The following MEGF9 variants were observed in gnomAD, a reference collection of about 807,000 sequenced individuals.
The protein encoded by MEGF9 is multiple EGF like domains 9, also known as multiple epidermal growth factor-like domains protein 9.
Under a neutral mutation model 46.8 loss-of-function variants are expected in MEGF9, and 6 were observed. The ratio of observed to expected loss-of-function variants is 0.13; its 90% CI spans 0.07 to 0.25. MEGF9 has a LOEUF of 0.25. Among genes scored for constraint, MEGF9 ranks in the 10% least tolerant of loss-of-function variants. The probability of loss-of-function intolerance (pLI) is 1.00; values close to 1 mark genes in which losing one functional copy is unlikely to be tolerated. For synonymous variants in MEGF9, 302 were observed against 330.7 expected, an observed-to-expected ratio of 0.91 and a Z score of 0.94; for missense variants, 683 against 792.4, an observed-to-expected ratio of 0.86 and a Z score of 1.66.
chr9:120,686,357 C>G (rs916446984), intron 1 of MEGF9, among the ~76,000 whole-genome samples: 5 of 152,156 alleles, frequency 3.3e-5, no homozygotes, highest in African/African-American at 1.2e-4. Flanking sequence ...GGATTACAAT[C>G]GTGAGCCACC....
At chr9:120,708,078 C>A (rs2043936680) in intron 1 of MEGF9, among the ~76,000 whole-genome samples, 1 of 151,712 alleles carries the variant, frequency 6.6e-6, no homozygotes, top group South Asian at 2.1e-4. Flanking sequence ...CAAAAACAGG[C>A]TGGGCATGGT....
chr9:120,628,051 A>T (rs375280350), intron 2 of MEGF9, among the ~76,000 whole-genome samples: 1 of 152,222 alleles, frequency 6.6e-6, no homozygotes, highest in East Asian at 1.9e-4. Flanking sequence ...CAAACTGCTG[A>T]TTATAAACTC....
intron 1 of MEGF9, among the ~76,000 whole-genome samples, chr9:120,681,606 C>T (rs2043799067): frequency 6.6e-6 from 1 of 151,764 alleles, no homozygotes; most frequent in Admixed American, 6.6e-5. Flanking sequence ...CTCTATCAGG[C>T]CACTATCAAA....
At chr9:120,663,390 A>C (rs1206534724) in intron 1 of MEGF9, among the ~76,000 whole-genome samples, 2 of 152,202 alleles carry the variant, frequency 1.3e-5, no homozygotes, top group African/African-American at 2.4e-5. Flanking sequence ...AGTAAAGTAA[A>C]ATCTCAGACC....
At chr9:120,695,569 A>C (rs945977505) in intron 1 of MEGF9, among the ~76,000 whole-genome samples, 1 of 136,750 alleles carries the variant, frequency 7.3e-6, no homozygotes, top group Non-Finnish European at 1.5e-5. Context: ...ACACCACTGC[A>C]CTCCAGCCTG....
At chr9:120,657,244 T>C (rs1008162367) in intron 2 of MEGF9, among the ~76,000 whole-genome samples, 3 of 152,242 alleles carry the variant, frequency 2.0e-5, no homozygotes, top group African/African-American at 4.8e-5. Flanking sequence ...ACCCCTGCCC[T>C]AGGCCTTTAG....
rs11446439 is a variant in MEGF9 at position 120,656,546 on chromosome 9, C to CAA, written c.803+2826_803+2827dup. ...TGAGAGACAGAGCGAGACTCCGTCT[C>CAA]AAAAAAAAAAAAAAAAAAAAAGATT... On this transcript the variant is annotated intron_variant, in intron 2 of 5. Transcript: ENST00000373930. 5.5e-3 allele frequency among the ~76,000 whole-genome samples: 481 copies of CAA among 87,888 alleles called. 4 individuals carry two copies. The highest frequency in any genetic ancestry group is 6.7e-3 in the East Asian group (19 of 2,848). The allele number at this position is 87,888 out of a possible 152,430, so 57.7% of individuals were successfully genotyped here. A position where few individuals can be genotyped will look rare whatever the true frequency, so the allele number is the denominator to read the frequency against.
chr9:120,688,559 A>G (rs1278058571), intron 1 of MEGF9, among the ~76,000 whole-genome samples: 2 of 152,208 alleles, frequency 1.3e-5, no homozygotes, highest in Admixed American at 1.3e-4. Flanking sequence ...TGGACCTTAC[A>G]TCTTAGAAAT....
At chr9:120,609,701 G>A (rs1326807992) in intron 4 of MEGF9, among the ~76,000 whole-genome samples, 1 of 151,908 alleles carries the variant, frequency 6.6e-6, no homozygotes, top group East Asian at 1.9e-4. Context: ...TAATCAACAA[G>A]TCATCTTTTA....
chr9:120,647,514 G>T (rs1480647247), intron 2 of MEGF9, among the ~76,000 whole-genome samples: 1 of 152,070 alleles, frequency 6.6e-6, no homozygotes, highest in Non-Finnish European at 1.5e-5. Flanking sequence ...GATCAAGATG[G>T]CTACCTTTAA....
intron 1 of MEGF9, among the ~76,000 whole-genome samples, chr9:120,674,833 G>A (rs2043765472): frequency 6.6e-6 from 1 of 150,482 alleles, no homozygotes; most frequent in Non-Finnish European, 1.5e-5. Flanking sequence ...GCCTCTCAAA[G>A]TGCTAGGATT....
intron 2 of MEGF9, among the ~76,000 whole-genome samples, chr9:120,631,295 G>A (rs929862659): frequency 3.9e-5 from 6 of 152,150 alleles, no homozygotes; most frequent in Admixed American, 2.0e-4. Flanking sequence ...TAAGTATGTG[G>A]ATTCATTTCT....
chr9:120,703,314 T>C (rs983456738), intron 1 of MEGF9, among the ~76,000 whole-genome samples: 1 of 152,234 alleles, frequency 6.6e-6, no homozygotes, highest in Non-Finnish European at 1.5e-5. Flanking sequence ...TAAGAATCTA[T>C]CTGGGCTGGA....
At chr9:120,613,779 T>C (rs1482030529) in intron 3 of MEGF9, among the ~76,000 whole-genome samples, 2 of 152,122 alleles carry the variant, frequency 1.3e-5, no homozygotes, top group African/African-American at 4.8e-5. Context: ...TTATGGAAAT[T>C]AGTGAGTAAA....
intron 2 of MEGF9, among the ~76,000 whole-genome samples, chr9:120,645,469 G>C (rs2043621744): frequency 6.6e-6 from 1 of 152,156 alleles, no homozygotes; most frequent in Admixed American, 6.6e-5. Context: ...TCAGGGACCA[G>C]GCTTCACCCC....
At chr9:120,651,025 C>T (rs189824243) in intron 2 of MEGF9, among the ~76,000 whole-genome samples, 29 of 152,192 alleles carry the variant, frequency 1.9e-4, no homozygotes, top group Admixed American at 1.9e-3. Context: ...TAGTTTTGCA[C>T]AGATTAGATT....
chr9:120,685,178 T>C (rs1467121024), intron 1 of MEGF9, among the ~76,000 whole-genome samples: 2 of 152,194 alleles, frequency 1.3e-5, no homozygotes, highest in African/African-American at 2.4e-5. Flanking sequence ...CATCAAGATG[T>C]TGAAGATTTT....
intron 1 of MEGF9, among the ~76,000 whole-genome samples, chr9:120,693,918 T>C (rs1316113398): frequency 6.7e-6 from 1 of 148,866 alleles, no homozygotes; most frequent in Non-Finnish European, 1.5e-5. Flanking sequence ...TACAAATCAA[T>C]TAGGCTAAAA....
chr9:120,659,520 C>G lies in MEGF9; in HGVS notation c.657G>C (p.Gln219His). 2 of 1,613,652 alleles carry G rather than the reference C, an allele frequency of 1.2e-6. No individual in the cohort carries two copies. Among genetic ancestry groups the G allele is most frequent in the East Asian group, 2.2e-5 (1 of 44,856 alleles). The change falls in exon 2 of 6, where the codon CAG becomes CAC. Residue 219 changes from glutamine to histidine, a missense_variant. Gln to His is a conservative substitution (Grantham distance 24, BLOSUM62 0). This residue lies in a region of MEGF9 where 370 missense variants were observed against 371.3 expected (regional missense o/e 1.00). Transcript: ENST00000373930. ...VGSLNVNRCN[Q>H]TTGQCECRPG... ...GCCGACACTCACACTGCCCTGTGGTCTGGTTGCAGCGATTCACATTCAGGC... is the reference window on the plus strand; with the variant it reads ...GCCGACACTCACACTGCCCTGTGGTGTGGTTGCAGCGATTCACATTCAGGC...
Sources: allele counts gnomAD v4.1 joint callset (sites outside exome capture counted in the v4.1 genomes callset), GRCh38; gene constraint gnomAD v4.1.1; regional missense constraint gnomAD v4.1.1; transcripts MANE v1.5; gene names NCBI Gene and HGNC (gene_info 2026-07-23, HGNC 2026-07-21).